The following SPEN variants were observed in gnomAD, a reference collection of about 807,000 sequenced individuals.
SPEN encodes msx2-interacting protein.
SPEN carries 18 observed loss-of-function variants against 269.9 expected under a neutral mutation model. The ratio of observed to expected loss-of-function variants is 0.07; its 90% CI spans 0.05 to 0.10. The LOEUF (loss-of-function observed/expected upper bound fraction) is 0.10. Ranked by LOEUF, SPEN falls within the 10% of genes least tolerant of loss-of-function variation. The pLI is 1.00. For synonymous variants in SPEN, 1,726 were observed against 1,765.7 expected, an observed-to-expected ratio of 0.98 and a Z score of 0.56; for missense variants, 3,822 against 4,631.2, an observed-to-expected ratio of 0.83 and a Z score of 5.07.
intron 6 of SPEN, among the ~76,000 whole-genome samples, chr1:15,917,298 G>T (rs1335607052): frequency 6.6e-6 from 1 of 152,110 alleles, no homozygotes; most frequent in East Asian, 1.9e-4. Flanking sequence ...TAGATTAAGG[G>T]GTACAAGAAG....
intron 3 of SPEN, among the ~76,000 whole-genome samples, chr1:15,894,533 G>GTTT (rs35841965): frequency 8.8e-5 from 12 of 136,010 alleles, no homozygotes; most frequent in African/African-American, 3.3e-4. Context: ...CCATATTATG[G>GTTT]TTGTTTTTTT....
chr1:15,906,443 T>C (rs941896624), intron 3 of SPEN, among the ~76,000 whole-genome samples: 9 of 149,772 alleles, frequency 6.0e-5, no homozygotes, highest in Non-Finnish European at 8.9e-5. Flanking sequence ...CTTTTTCTTT[T>C]CTTTCTTTCC....
At position 15,931,468 on chromosome 1, in the gene SPEN, C is replaced by T. The variant is rs2071220269; in HGVS notation, c.5228C>T (p.Ser1743Phe). ...AKPPTPGASF[S>F]QAESNVDPEP... Reference sequence around the variant, plus strand: ...CCTCCAACTCCCGGGGCCTCGTTTTCCCAGGCAGAGAGCAACGTAGATCCA... The same window carrying T: ...CCTCCAACTCCCGGGGCCTCGTTTTTCCAGGCAGAGAGCAACGTAGATCCA... The change falls in exon 11 of 15, where the codon TCC becomes TTC. Residue 1743 changes from serine (S) to phenylalanine (F), a missense_variant. Physicochemically the swap from Ser to Phe is radical, Grantham distance 155. This residue lies in a region of SPEN where 533 missense variants were observed against 618.8 expected (regional missense o/e 0.86). Transcript: ENST00000375759. The surrounding 1 kb of genome is among the most constrained non-coding windows in gnomAD (Gnocchi z 4.8). 1.2e-6 allele frequency: 2 copies of T among 1,614,038 alleles called. No individual in the cohort carries two copies. The highest frequency in any genetic ancestry group is 1.3e-5 in the African/African-American group (1 of 74,908).
intron 3 of SPEN, among the ~76,000 whole-genome samples, chr1:15,885,444 G>A (rs924219482): frequency 2.0e-5 from 3 of 152,210 alleles, no homozygotes; most frequent in Non-Finnish European, 2.9e-5. Flanking sequence ...AAGAGGAAGT[G>A]TACGTGGAGT....
At chr1:15,899,885 A>T (rs904304844) in intron 3 of SPEN, among the ~76,000 whole-genome samples, 9 of 151,934 alleles carry the variant, frequency 5.9e-5, no homozygotes, top group African/African-American at 2.2e-4. Context: ...TGTCACTGTC[A>T]CCCAGGCTGG....
chr1:15,887,219 G>A (rs1419922622), intron 3 of SPEN, among the ~76,000 whole-genome samples: 8 of 150,490 alleles, frequency 5.3e-5, no homozygotes, highest in Admixed American at 2.0e-4. Context: ...CAAGCTATCC[G>A]CTTGCCTTTG....
At chr1:15,861,858 G>A (rs534460373) in intron 1 of SPEN, among the ~76,000 whole-genome samples, 316 of 152,222 alleles carry the variant, frequency 2.1e-3, no homozygotes, top group Non-Finnish European at 3.6e-3. Flanking sequence ...TGGTCAATAT[G>A]GTGAAACCCC....
In SPEN at chr1:15,909,218, A is replaced by G. The variant is rs2070989201; in HGVS notation, c.882-103A>G. 7 of 1,271,402 alleles carry G rather than the reference A, an allele frequency of 5.5e-6. No homozygotes were observed. In the African/African-American group the frequency reaches 6.0e-5, roughly 11 times the overall value. The allele number at this position is 1,271,402 out of a possible 1,614,324, so 78.8% of individuals were successfully genotyped here. ...AGAATGCAGGGCCTCCAGAAATTCC[A>G]GTCTGAAAATTTAGACCTATTAGTT... On this transcript the variant is annotated intron_variant, in intron 3 of 14. Coordinates refer to ENST00000375759, the MANE Select transcript of SPEN (RefSeq NM_015001.3).
chr1:15,888,345 C>G (rs372835608), intron 3 of SPEN, among the ~76,000 whole-genome samples: 1 of 150,730 alleles, frequency 6.6e-6, no homozygotes, highest in Non-Finnish European at 1.5e-5. Context: ...TTTTTTGAGG[C>G]AAGAGTCTTG....
chr1:15,852,588 C>T (rs372598936), intron 1 of SPEN, among the ~76,000 whole-genome samples: 4 of 152,198 alleles, frequency 2.6e-5, no homozygotes, highest in Admixed American at 1.3e-4. Flanking sequence ...GATAGTGTTT[C>T]GCTTGTGTGG....
chr1:15,915,655 T>C (rs1011495572), intron 5 of SPEN, among the ~76,000 whole-genome samples: 2 of 152,172 alleles, frequency 1.3e-5, no homozygotes, highest in Admixed American at 6.5e-5. Context: ...CCACCTCCGC[T>C]TCCCAAATAG....
chr1:15,929,329 T>C lies in SPEN; in HGVS notation c.3089T>C (p.Leu1030Pro), dbSNP rs1472357785. 6.2e-7 allele frequency: 1 copy of C among 1,613,810 alleles called. No homozygotes were observed. The part of the protein sequence containing the change: ...PDVSSREVIL[L>P]REGEAERKPV... ...GTGTCCTCTAGAGAGGTCATTCTGC[T>C]GAGGGAAGGAGAGGCTGAAAGAAAG... The change falls in exon 11 of 15, where the codon CTG (leucine) becomes CCG (proline). Residue 1030 changes from leucine (L) to proline (P), a missense_variant. By Grantham distance (98) the Leu-to-Pro change is moderately conservative. Around this residue, in one of 16 missense-constraint regions of SPEN, gnomAD observed 572 missense variants for 582.6 expected, o/e 0.98. Coordinates refer to ENST00000375759, the MANE Select transcript of SPEN (RefSeq NM_015001.3). The surrounding 1 kb of genome is among the most constrained non-coding windows in gnomAD (Gnocchi z 5.8).
At chr1:15,915,746 C>T (rs1381028338) in intron 5 of SPEN, among the ~76,000 whole-genome samples, 2 of 151,926 alleles carry the variant, frequency 1.3e-5, no homozygotes, top group African/African-American at 4.8e-5. Flanking sequence ...AACATGTTGC[C>T]CAGGCTAGTC....
intron 3 of SPEN, among the ~76,000 whole-genome samples, chr1:15,901,495 T>C (rs936981128): frequency 5.3e-5 from 8 of 149,768 alleles, no homozygotes; most frequent in Admixed American, 4.0e-4. Context: ...ACAAAAAAAA[T>C]AGCTGGGCGT....
chr1:15,894,325 A>C (rs544432193), intron 3 of SPEN, among the ~76,000 whole-genome samples: 53 of 152,258 alleles, frequency 3.5e-4, no homozygotes, highest in African/African-American at 1.3e-3. Context: ...GACATGTTAC[A>C]TCTGCTTACT....
chr1:15,865,945 A>C (rs2070502254), intron 1 of SPEN, among the ~76,000 whole-genome samples: 1 of 150,594 alleles, frequency 6.6e-6, no homozygotes, highest in Non-Finnish European at 1.5e-5. Flanking sequence ...ATCTCAGCTC[A>C]CTGCAGCCTC....
At chr1:15,854,195 C>A (rs932886594) in intron 1 of SPEN, among the ~76,000 whole-genome samples, 1 of 151,990 alleles carries the variant, frequency 6.6e-6, no homozygotes, top group South Asian at 2.1e-4. Context: ...CTGAAAATAC[C>A]TTGAGTGTAT....
intron 3 of SPEN, among the ~76,000 whole-genome samples, chr1:15,902,245 G>A (rs1352629089): frequency 3.3e-5 from 5 of 152,062 alleles, no homozygotes; most frequent in Admixed American, 6.6e-5. Flanking sequence ...TCTTTTAAAC[G>A]TCTGGTTTAG....
Position 15,935,688 on chromosome 1 carries a change from C to G in SPEN, c.9448C>G (p.Leu3150Val), listed in dbSNP as rs2071267546. ...GCCAGCCCCAGCTGGTGTGCCTGCA[C>G]TGGCCTCCCAGCACCCTCCCGAGGA... ...PQPAPAGVPALASQHPPEEEV... is the reference protein window; with the variant it reads ...PQPAPAGVPAVASQHPPEEEV... The change falls in exon 11 of 15, where the codon CTG becomes GTG. Residue 3150 changes from leucine (L) to valine (V), a missense_variant. Leu to Val is a conservative substitution (Grantham distance 32). Coordinates refer to ENST00000375759, the MANE Select transcript of SPEN (RefSeq NM_015001.3). This position sits in a 1 kb window ranked among gnomAD's most constrained non-coding sequence, Gnocchi z 7.7. 2 of 1,613,738 alleles carry G rather than the reference C, an allele frequency of 1.2e-6. No individual in the cohort carries two copies. The highest frequency in any genetic ancestry group is 1.1e-5 in the South Asian group (1 of 91,058).
Sources: allele counts gnomAD v4.1 joint callset (sites outside exome capture counted in the v4.1 genomes callset), GRCh38; gene constraint gnomAD v4.1.1; regional missense constraint gnomAD v4.1.1; non-coding constraint Gnocchi (gnomAD v3.1); transcripts MANE v1.5; gene names NCBI Gene and HGNC (gene_info 2026-07-23, HGNC 2026-07-21).